Variants in PCDHGA3 observed in about 807,000 individuals in gnomAD.
The protein encoded by PCDHGA3 is protocadherin gamma subfamily A, 3, also known as protocadherin gamma-A3.
PCDHGA3 carries 40 observed loss-of-function variants against 58.5 expected under a neutral mutation model. The observed-to-expected ratio is 0.68, with a 90% CI of 0.53 to 0.89. The LOEUF (loss-of-function observed/expected upper bound fraction) is 0.89. PCDHGA3 is among the 40% of genes least tolerant of loss of function. PCDHGA3 has a pLI of 0.00. For missense variants in PCDHGA3, 1,223 were observed against 1,195.9 expected (o/e 1.02, Z -0.33); for synonymous variants, 530 against 525.7 (o/e 1.01, Z -0.11).
chr5:141,438,513 A>G (rs2097964808), intron 1 of PCDHGA3, among the ~76,000 whole-genome samples: 1 of 148,768 alleles, frequency 6.7e-6, no homozygotes, highest in Non-Finnish European at 1.5e-5. Context: ...TGCAAAACCA[A>G]TTATTTTACA....
At chr5:141,353,592 A>G (rs748446778) in intron 1 of PCDHGA3, among the ~76,000 whole-genome samples, 1 of 152,200 alleles carries the variant, frequency 6.6e-6, no homozygotes, top group Non-Finnish European at 1.5e-5. Context: ...ATATTTCATA[A>G]TTTTCTTAAC....
intron 1 of PCDHGA3, chr5:141,399,034 C>T: frequency 6.2e-7 from 1 of 1,613,796 alleles, no homozygotes; most frequent in Non-Finnish European, 8.5e-7. Context: ...TCAAAAGAAA[C>T]TGGATTTTGA....
intron 1 of PCDHGA3, chr5:141,471,509 TA>T (rs1211467109): frequency 6.6e-6 from 1 of 152,008 alleles, no homozygotes; most frequent in Non-Finnish European, 1.5e-5. Context: ...AGAGAGGGAG[TA>T]AAAATAACAG....
At chr5:141,414,557 A>G (rs749209012) in intron 1 of PCDHGA3, 21 of 1,613,786 alleles carry the variant, frequency 1.3e-5, no homozygotes, top group Non-Finnish European at 1.8e-5. Context: ...CAAGTCTCCT[A>G]CTTTACCTAT....
At chr5:141,395,926 A>G (rs2093327122) in intron 1 of PCDHGA3, 1 of 152,218 alleles carries the variant, frequency 6.6e-6, no homozygotes, top group South Asian at 2.1e-4. Flanking sequence ...TCTAAAGCCT[A>G]GAATGTCCAT....
In PCDHGA3 at chr5:141,418,344, T is replaced by C. The variant is rs746519142; in HGVS notation, c.2424+71887T>C. On this transcript the variant is annotated intron_variant, in intron 1 of 3. Transcript: ENST00000253812. ...CTTGAGTCTGCAGAAGATCCTGATA[T>C]TAGTATGAATTCGCTGAGCAAATAC... 4.3e-6 allele frequency: 7 copies of C among 1,613,890 alleles called. No individual in the cohort carries two copies. The highest frequency in any genetic ancestry group is 2.2e-5 in the South Asian group (2 of 91,086).
chr5:141,418,980 A>C (rs1219866791), intron 1 of PCDHGA3: 2 of 1,614,004 alleles, frequency 1.2e-6, no homozygotes, highest in Non-Finnish European at 1.7e-6. Flanking sequence ...ACACGGGACC[A>C]AGACTCAGGG....
chr5:141,387,763 A>T, intron 1 of PCDHGA3: 2 of 1,425,584 alleles, frequency 1.4e-6, no homozygotes, highest in South Asian at 1.5e-5. Context: ...GAAAAAGAAG[A>T]ATTTTTTCTT....
At chr5:141,405,226 C>T (rs756970325) in intron 1 of PCDHGA3, 6 of 1,613,934 alleles carry the variant, frequency 3.7e-6, no homozygotes, top group Admixed American at 3.3e-5. Context: ...AGGAGTTCTC[C>T]CTCACCGCTG....
At chr5:141,346,627 G>A in intron 1 of PCDHGA3, 170 bp downstream of exon 1, 3 of 1,008,322 alleles carry the variant, frequency 3.0e-6, no homozygotes, top group Non-Finnish European at 4.3e-6. Context: ...GCACTCCCCG[G>A]TCTGGTTATG....
chr5:141,366,115 C>T (rs1764340105), intron 1 of PCDHGA3: 1 of 1,614,120 alleles, frequency 6.2e-7, no homozygotes, highest in Non-Finnish European at 8.5e-7. Context: ...TAGCGGTGGA[C>T]AAAGATTCAG....
At chr5:141,351,775 G>C (rs757269142) in intron 1 of PCDHGA3, 8 of 1,613,356 alleles carry the variant, frequency 5.0e-6, no homozygotes, top group Non-Finnish European at 6.8e-6. Context: ...CCGTGAGCCC[G>C]CAGAGCGGGG....
intron 1 of PCDHGA3, among the ~76,000 whole-genome samples, chr5:141,450,777 G>A (rs907160074): frequency 1.3e-5 from 2 of 150,004 alleles, no homozygotes; most frequent in East Asian, 2.0e-4. Context: ...ATGAGCCACC[G>A]TGCCCGGACC....
At chr5:141,478,665 A>G (rs749063178) in intron 1 of PCDHGA3, 88 of 1,551,690 alleles carry the variant, frequency 5.7e-5, no homozygotes, top group Non-Finnish European at 3.7e-5. Flanking sequence ...ATGCATTCAC[A>G]CTTTCAACTG....
chr5:141,374,292 G>A (rs1268827954), intron 1 of PCDHGA3: 4 of 1,613,966 alleles, frequency 2.5e-6, no homozygotes, highest in Non-Finnish European at 2.5e-6. Context: ...GTCTCCAGAG[G>A]TAGGATGCAG....
intron 1 of PCDHGA3, chr5:141,409,926 T>G: frequency 6.2e-7 from 1 of 1,613,344 alleles, no homozygotes; most frequent in Non-Finnish European, 8.5e-7. Flanking sequence ...TCCGCGTTCT[T>G]CGATATGGTA....
intron 1 of PCDHGA3, chr5:141,392,600 G>A: frequency 2.0e-6 from 1 of 505,338 alleles, no homozygotes; most frequent in East Asian, 3.2e-5. Context: ...TCACCTACTG[G>A]AAGACAAATG....
intron 1 of PCDHGA3, chr5:141,385,340 C>A: frequency 6.4e-7 from 1 of 1,570,860 alleles, no homozygotes; most frequent in Non-Finnish European, 8.6e-7. Flanking sequence ...CCAGCCCTTC[C>A]TTTATTTCCA....
rs774366625 is a variant in PCDHGA3, at chr5:141,384,613, T to A, written c.2424+38156T>A. On this transcript the variant is annotated intron_variant, in intron 1 of 3. Coordinates refer to ENST00000253812, the MANE Select transcript of PCDHGA3 (RefSeq NM_018916.4). ...GTACCCGGCCCTCCCCACAGATGGTTCTACTGGCATGGAGCTGGCACCCCG... is the reference window on the plus strand; with the variant it reads ...GTACCCGGCCCTCCCCACAGATGGTACTACTGGCATGGAGCTGGCACCCCG... The A allele has an allele frequency of 9.9e-6, 16 of 1,614,202 alleles. No homozygotes were observed. The Admixed American group carries it at 2.7e-4, about 27-fold the overall frequency.
Sources: allele counts gnomAD v4.1 joint callset (sites outside exome capture counted in the v4.1 genomes callset), GRCh38; gene constraint gnomAD v4.1.1; transcripts MANE v1.5; gene names NCBI Gene and HGNC (gene_info 2026-07-23, HGNC 2026-07-21).